CNTNAP2: variants seen among roughly 807,000 people sequenced by gnomAD.
CNTNAP2 encodes contactin associated protein 2.
In CNTNAP2, 98 loss-of-function variants were observed where a neutral mutation model predicts 155.2. That is an observed-to-expected ratio of 0.63 (90% confidence interval 0.54 to 0.75). The LOEUF is 0.75. Ranked by LOEUF, CNTNAP2 falls within the 30% of genes least tolerant of loss-of-function variation. The pLI is 0.00. For missense variants in CNTNAP2, 1,727 were observed against 1,688.1 expected, an observed-to-expected ratio of 1.02 and a Z score of -0.40; for synonymous variants, 651 against 631.2, an observed-to-expected ratio of 1.03 and a Z score of -0.47.
chr7:146,272,767 G>T (rs1584840664), intron 1 of CNTNAP2, among the ~76,000 whole-genome samples: 1 of 152,222 alleles, frequency 6.6e-6, no homozygotes, highest in East Asian at 1.9e-4. Flanking sequence ...GGTGACAAAG[G>T]CATTGATTGT....
At chr7:146,893,557 G>A (rs1039054680) in intron 3 of CNTNAP2, among the ~76,000 whole-genome samples, 2 of 151,972 alleles carry the variant, frequency 1.3e-5, no homozygotes, top group Non-Finnish European at 2.9e-5. Context: ...GCAGAAGCAT[G>A]TACAGGTTAA....
intron 11 of CNTNAP2, among the ~76,000 whole-genome samples, chr7:147,559,648 A>G (rs1278068534): frequency 2.6e-5 from 4 of 152,208 alleles, no homozygotes; most frequent in Non-Finnish European, 4.4e-5. Context: ...AATGGTTTCA[A>G]TGGCAGATTG....
intron 12 of CNTNAP2, among the ~76,000 whole-genome samples, chr7:147,599,908 C>T (rs1327197119): frequency 6.6e-6 from 1 of 152,160 alleles, no homozygotes; most frequent in Admixed American, 6.5e-5. Flanking sequence ...CTATTCAATG[C>T]AGTGTATGAG....
At chr7:147,394,926 T>G (rs550687656) in intron 9 of CNTNAP2, among the ~76,000 whole-genome samples, 1 of 151,180 alleles carries the variant, frequency 6.6e-6, no homozygotes, top group Non-Finnish European at 1.5e-5. Context: ...TTATGGTATT[T>G]TATATATACC....
chr7:147,736,246 G>GAGAATACT (rs1796841432), intron 13 of CNTNAP2, among the ~76,000 whole-genome samples: 1 of 151,706 alleles, frequency 6.6e-6, no homozygotes, highest in African/African-American at 2.4e-5. Context: ...GCATTTGCTT[G>GAGAATACT]TCTATAAAGT....
At chr7:146,157,408 T>C (rs918317413) in intron 1 of CNTNAP2, among the ~76,000 whole-genome samples, 1 of 152,012 alleles carries the variant, frequency 6.6e-6, no homozygotes, top group Non-Finnish European at 1.5e-5. Context: ...TGTCAGACGG[T>C]AGGTGCAGCC....
intron 21 of CNTNAP2, among the ~76,000 whole-genome samples, chr7:148,329,010 C>T (rs1444889954): frequency 7.1e-6 from 1 of 140,950 alleles, no homozygotes; most frequent in Non-Finnish European, 1.5e-5. Context: ...AGGCCCAAAC[C>T]ATCCCAGGGA....
At chr7:147,177,426 T>TCCGC (rs1802372500) in intron 8 of CNTNAP2, among the ~76,000 whole-genome samples, 1 of 152,094 alleles carries the variant, frequency 6.6e-6, no homozygotes, top group Non-Finnish European at 1.5e-5. Flanking sequence ...AGAGGTGCCT[T>TCCGC]CCGCCGTGAT....
At chr7:147,156,408 A>C (rs1158072241) in intron 8 of CNTNAP2, among the ~76,000 whole-genome samples, 2 of 152,206 alleles carry the variant, frequency 1.3e-5, no homozygotes, top group Non-Finnish European at 2.9e-5. Context: ...TCTGACATTT[A>C]AATAAACCTC....
At chr7:146,952,540 G>A (rs1022417594) in intron 3 of CNTNAP2, among the ~76,000 whole-genome samples, 5 of 152,140 alleles carry the variant, frequency 3.3e-5, no homozygotes, top group South Asian at 2.1e-4. Context: ...CATCGCCTCA[G>A]CCACAAATCT....
intron 1 of CNTNAP2, among the ~76,000 whole-genome samples, chr7:146,310,560 T>C (rs369682673): frequency 6.6e-6 from 1 of 152,136 alleles, no homozygotes; most frequent in African/African-American, 2.4e-5. Context: ...GCTATTTTGA[T>C]GCCTTTTAAT....
chr7:147,696,447 T>A (rs1237402396), intron 13 of CNTNAP2, among the ~76,000 whole-genome samples: 3 of 152,216 alleles, frequency 2.0e-5, no homozygotes, highest in African/African-American at 7.2e-5. Context: ...GTAGTGCAAA[T>A]ACTTTATAAT....
intron 12 of CNTNAP2, among the ~76,000 whole-genome samples, chr7:147,584,748 A>G (rs1327382384): frequency 1.3e-5 from 2 of 152,226 alleles, no homozygotes; most frequent in Non-Finnish European, 2.9e-5. Flanking sequence ...TCTCTGATCC[A>G]GAGATGCTGC....
At chr7:146,865,215 A>G (rs951053489) in intron 3 of CNTNAP2, among the ~76,000 whole-genome samples, 10 of 151,972 alleles carry the variant, frequency 6.6e-5, no homozygotes, top group African/African-American at 2.4e-4. Context: ...AAACTAAATA[A>G]TAGCTAACAC....
intron 11 of CNTNAP2, among the ~76,000 whole-genome samples, chr7:147,535,114 C>T (rs1274468519): frequency 2.0e-5 from 3 of 152,098 alleles, no homozygotes; most frequent in African/African-American, 2.4e-5. Context: ...TGGCCAAGGC[C>T]GGGCGCGGTG....
At chr7:148,197,041 T>TTA (rs1302560486) in intron 18 of CNTNAP2, among the ~76,000 whole-genome samples, 2 of 152,174 alleles carry the variant, frequency 1.3e-5, no homozygotes, top group Non-Finnish European at 2.9e-5. Flanking sequence ...TTATATACCT[T>TTA]TATATATTCA....
chr7:147,452,405 T>G (rs2116571014), intron 10 of CNTNAP2, among the ~76,000 whole-genome samples: 1 of 152,304 alleles, frequency 6.6e-6, no homozygotes, highest in Middle Eastern at 3.4e-3. Flanking sequence ...GATGCTTGTT[T>G]TATAGATGAG....
chr7:147,156,069 A>G (rs1164681248), intron 8 of CNTNAP2, among the ~76,000 whole-genome samples: 2 of 152,158 alleles, frequency 1.3e-5, no homozygotes, highest in Non-Finnish European at 2.9e-5. Context: ...CTCACGCCTT[A>G]CAGTCTTCCT....
chr7:146,227,590 G>C (rs528814715), intron 1 of CNTNAP2, among the ~76,000 whole-genome samples: 4 of 152,116 alleles, frequency 2.6e-5, no homozygotes, highest in Admixed American at 6.5e-5. Context: ...TTAATAAAGA[G>C]AACATTGAGT....
Sources: allele counts gnomAD v4.1 joint callset (sites outside exome capture counted in the v4.1 genomes callset), GRCh38; gene constraint gnomAD v4.1.1; transcripts MANE v1.5; gene names NCBI Gene and HGNC (gene_info 2026-07-23, HGNC 2026-07-21).